The following PLCH1 variants were observed in gnomAD, a reference collection of about 807,000 sequenced individuals.
PLCH1 encodes 1-phosphatidylinositol 4,5-bisphosphate phosphodiesterase eta-1.
Under a neutral mutation model 126.7 loss-of-function variants are expected in PLCH1, and 60 were observed. The ratio of observed to expected loss-of-function variants is 0.47; its 90% CI spans 0.38 to 0.59. PLCH1 has a LOEUF of 0.59. Ranked by LOEUF, PLCH1 falls within the 20% of genes least tolerant of loss-of-function variation. The pLI is 0.00. For missense variants in PLCH1, 1,723 were observed against 2,040.0 expected, an observed-to-expected ratio of 0.84 and a Z score of 2.99; for synonymous variants, 719 against 734.9, an observed-to-expected ratio of 0.98 and a Z score of 0.35.
At chr3:155,461,760 C>G (rs747274779) in intron 21 of PLCH1, among the ~76,000 whole-genome samples, 1 of 152,210 alleles carries the variant, frequency 6.6e-6, no homozygotes, top group Non-Finnish European at 1.5e-5. Flanking sequence ...AGAATAAGCA[C>G]AGCCACAAGG....
chr3:155,473,876 T>G (rs377060343), intron 21 of PLCH1, among the ~76,000 whole-genome samples: 4 of 151,802 alleles, frequency 2.6e-5, no homozygotes, highest in East Asian at 1.9e-4. Flanking sequence ...TAGCCATATG[T>G]AGAAAGCTGA....
At chr3:155,563,793 C>T (rs182774831) in intron 8 of PLCH1, among the ~76,000 whole-genome samples, 1 of 152,100 alleles carries the variant, frequency 6.6e-6, no homozygotes, top group Admixed American at 6.6e-5. Flanking sequence ...CACTCAAAAC[C>T]CTTTACAGCT....
At chr3:155,496,626 C>G (rs576520695) in intron 15 of PLCH1, among the ~76,000 whole-genome samples, 1 of 151,972 alleles carries the variant, frequency 6.6e-6, no homozygotes, top group South Asian at 2.1e-4. Flanking sequence ...ATTTACATTT[C>G]GGTTCCACTA....
chr3:155,730,384 T>C (rs1157266972), intron 1 of PLCH1, among the ~76,000 whole-genome samples: 46 of 152,024 alleles, frequency 3.0e-4, no homozygotes, highest in Non-Finnish European at 8.8e-5. Flanking sequence ...TGGGTTTAAG[T>C]GATTCTCATG....
chr3:155,619,498 T>TTAAAAAA (rs200522384), intron 2 of PLCH1, among the ~76,000 whole-genome samples: 14 of 133,540 alleles, frequency 1.0e-4, no homozygotes, highest in African/African-American at 7.9e-5. Flanking sequence ...ACAGAAAAAG[T>TTAAAAAA]AAAAAAAAAA....
At chr3:155,632,536 G>A (rs1448019155) in intron 2 of PLCH1, among the ~76,000 whole-genome samples, 2 of 152,184 alleles carry the variant, frequency 1.3e-5, no homozygotes, top group Non-Finnish European at 2.9e-5. Flanking sequence ...GTATTGAGAT[G>A]ACTAGGCCTA....
intron 2 of PLCH1, among the ~76,000 whole-genome samples, chr3:155,649,093 A>G (rs1478416127): frequency 1.3e-5 from 2 of 152,174 alleles, no homozygotes; most frequent in Non-Finnish European, 2.9e-5. Flanking sequence ...CTTGGGGGAC[A>G]GTCTGGAGGG....
At chr3:155,640,910 G>A (rs754562889) in intron 2 of PLCH1, among the ~76,000 whole-genome samples, 20 of 152,038 alleles carry the variant, frequency 1.3e-4, no homozygotes, top group Non-Finnish European at 2.1e-4. Context: ...TCCTAAGCCT[G>A]TCAAAGTAAA....
chr3:155,698,830 C>T lies in PLCH1; in HGVS notation c.79+5316G>A, dbSNP rs140238768. On this transcript the variant is annotated intron_variant, in intron 2 of 22. Coordinates refer to ENST00000460012, the MANE Select transcript of PLCH1 (RefSeq NM_014996.4). The stretch of plus-strand genomic sequence containing the variant: ...GCCTGAAAGGATACCTGCCCTGATG[C>T]TTTCTGCTTTGGTGGCCATCAATGG... 1.6e-3 allele frequency among the ~76,000 whole-genome samples: 243 copies of T among 152,256 alleles called. 2 individuals are homozygous for T. Among genetic ancestry groups the T allele is most frequent in the African/African-American group, 5.5e-3 (228 of 41,536 alleles).
intron 2 of PLCH1, among the ~76,000 whole-genome samples, chr3:155,677,003 T>C (rs1159192989): frequency 6.6e-6 from 1 of 152,228 alleles, no homozygotes; most frequent in African/African-American, 2.4e-5. Flanking sequence ...TTTGAAGAGA[T>C]AGGTAGACAG....
intron 10 of PLCH1, among the ~76,000 whole-genome samples, chr3:155,542,188 T>G (rs560340960): frequency 6.6e-6 from 1 of 152,172 alleles, no homozygotes; most frequent in Non-Finnish European, 1.5e-5. Context: ...ACCCCAATAC[T>G]GCGCTTTTCC....
chr3:155,586,102 A>G lies in PLCH1; in HGVS notation c.563T>C (p.Val188Ala), dbSNP rs776965702. The change falls in exon 5 of 23, where the codon GTT (valine) becomes GCT (alanine). Residue 188 changes from valine (V) to alanine (A), a missense_variant. This residue lies in a region of PLCH1 where 776 missense variants were observed against 1,062.9 expected (regional missense o/e 0.73). Transcript: ENST00000460012. ...TCTGACTTTTCTTCGGGGCAGATTAACATTCAGTTTATGCATCAGCTGATG... is the reference window on the plus strand; with the variant it reads ...TCTGACTTTTCTTCGGGGCAGATTAGCATTCAGTTTATGCATCAGCTGATG... ...EIHQLMHKLN[V>A]NLPRRKVRQM... 6.2e-7 allele frequency: 1 copy of G among 1,614,030 alleles called. No homozygotes were observed. Among genetic ancestry groups the G allele is most frequent in the East Asian group, 2.2e-5 (1 of 44,880 alleles).
intron 1 of PLCH1, among the ~76,000 whole-genome samples, chr3:155,733,871 G>A (rs1748948556): frequency 7.0e-6 from 1 of 142,622 alleles, no homozygotes; most frequent in Non-Finnish European, 1.5e-5. Context: ...CTGATCTGAA[G>A]ATAGGCAAAG....
chr3:155,681,457 G>C (rs1418913871), intron 2 of PLCH1, among the ~76,000 whole-genome samples: 2 of 152,304 alleles, frequency 1.3e-5, no homozygotes, highest in Non-Finnish European at 2.9e-5. Flanking sequence ...CCCCAAGATG[G>C]CACAGCAAGT....
chr3:155,601,347 A>G (rs773196394), intron 2 of PLCH1, among the ~76,000 whole-genome samples: 9 of 152,178 alleles, frequency 5.9e-5, no homozygotes, highest in Non-Finnish European at 7.3e-5. Flanking sequence ...GCAGTTTAAT[A>G]TAAGTAAATT....
At chr3:155,740,185 C>T (rs1010001249) in intron 1 of PLCH1, among the ~76,000 whole-genome samples, 4 of 151,860 alleles carry the variant, frequency 2.6e-5, no homozygotes, top group Non-Finnish European at 5.9e-5. Flanking sequence ...CCAAGGCAGG[C>T]GGATCATCTG....
chr3:155,478,272 A>G (rs1713633550), downstream of PLCH1, among the ~76,000 whole-genome samples: 1 of 152,148 alleles, frequency 6.6e-6, no homozygotes, highest in Non-Finnish European at 1.5e-5. Flanking sequence ...GGGAGTAGGG[A>G]GGTGAAGATG....
At chr3:155,595,317 T>C (rs1732841703) in intron 3 of PLCH1, among the ~76,000 whole-genome samples, 1 of 152,252 alleles carries the variant, frequency 6.6e-6, no homozygotes, top group African/African-American at 2.4e-5. Context: ...TGTGTGCTTG[T>C]TTATTTTTCA....
chr3:155,523,710 A>C (rs1721509400), intron 11 of PLCH1, among the ~76,000 whole-genome samples, 187 bp downstream of exon 11: 1 of 152,216 alleles, frequency 6.6e-6, no homozygotes, highest in Non-Finnish European at 1.5e-5. Context: ...AGACACAAGA[A>C]TCCTTGACTC....
Sources: allele counts gnomAD v4.1 joint callset (sites outside exome capture counted in the v4.1 genomes callset), GRCh38; gene constraint gnomAD v4.1.1; regional missense constraint gnomAD v4.1.1; transcripts MANE v1.5; gene names NCBI Gene and HGNC (gene_info 2026-07-23, HGNC 2026-07-21).